Variants in PLOD2 observed in about 807,000 individuals in gnomAD.
PLOD2 encodes lysine hydroxylase 2.
A neutral mutation model predicts 101.0 loss-of-function variants in PLOD2; 65 were observed. The ratio of observed to expected loss-of-function variants is 0.64; its 90% CI spans 0.53 to 0.79. The LOEUF (loss-of-function observed/expected upper bound fraction) is 0.79, where lower values mean the gene tolerates loss of function less well. Ranked by LOEUF, PLOD2 falls within the 30% of genes least tolerant of loss-of-function variation. The pLI is 0.00. For synonymous variants in PLOD2, 314 were observed against 302.9 expected, an observed-to-expected ratio of 1.04 and a Z score of -0.38; for missense variants, 909 against 914.6, an observed-to-expected ratio of 0.99 and a Z score of 0.08.
At chr3:146,121,435 C>A (rs2108091998) in intron 2 of PLOD2, among the ~76,000 whole-genome samples, 187 bp from the exon 3 acceptor site, 1 of 152,198 alleles carries the variant, frequency 6.6e-6, no homozygotes, top group South Asian at 2.1e-4. Flanking sequence ...TCAATGTTAT[C>A]CATCCCCAAA....
rs578052771 is a variant in PLOD2 at position 146,086,026 on chromosome 3, T to G, written c.1128-753A>C. 4 of 152,374 alleles carry G rather than the reference T, an allele frequency of 2.6e-5. No individual in the cohort carries two copies. In the East Asian group the frequency reaches 7.7e-4, roughly 29 times the overall value. The allele number at this position is 152,374 out of a possible 1,614,324, so 9.4% of individuals were successfully genotyped here. On this transcript the variant is annotated intron_variant, in intron 10 of 19. Coordinates refer to ENST00000282903, the MANE Select transcript of PLOD2 (RefSeq NM_182943.3). ...TTCTGAATGTGGACCCAGAGGATTC[T>G]CCAATGAATAAATTATGGAATCATT...
At chr3:146,147,664 C>T (rs2031848629) in intron 1 of PLOD2, among the ~76,000 whole-genome samples, 1 of 152,168 alleles carries the variant, frequency 6.6e-6, no homozygotes, top group Admixed American at 6.5e-5. Flanking sequence ...CCAAATATTC[C>T]AGGGGGGACA....
At chr3:146,083,006 T>C (rs1490104864) in intron 11 of PLOD2, among the ~76,000 whole-genome samples, 1 of 152,228 alleles carries the variant, frequency 6.6e-6, no homozygotes, top group Admixed American at 6.5e-5. Context: ...TTGTTTTGTT[T>C]TGAATACCTA....
chr3:146,136,208 TTA>T (rs1431875865), intron 1 of PLOD2, among the ~76,000 whole-genome samples: 4 of 152,304 alleles, frequency 2.6e-5, no homozygotes, highest in South Asian at 2.1e-4. Flanking sequence ...TCCAGTACTT[TTA>T]TAGTTTCATT....
At chr3:146,134,161 A>G (rs1163810524) in intron 1 of PLOD2, among the ~76,000 whole-genome samples, 3 of 152,190 alleles carry the variant, frequency 2.0e-5, no homozygotes, top group Non-Finnish European at 4.4e-5. Context: ...AGTGGAAAGA[A>G]CTGGCTGGGG....
At chr3:146,139,893 T>C (rs1251365513) in intron 1 of PLOD2, among the ~76,000 whole-genome samples, 1 of 152,106 alleles carries the variant, frequency 6.6e-6, no homozygotes, top group African/African-American at 2.4e-5. Context: ...CCTTCCTCCC[T>C]TTCTCTTTCC....
chr3:146,080,819 C>G (rs190018312), intron 12 of PLOD2, among the ~76,000 whole-genome samples: 1 of 152,310 alleles, frequency 6.6e-6, no homozygotes, highest in Admixed American at 6.5e-5. Flanking sequence ...TTCTCCTCCA[C>G]TGTGCATTTT....
At chr3:146,113,679 T>C (rs1405755134) in intron 3 of PLOD2, among the ~76,000 whole-genome samples, 3 of 152,200 alleles carry the variant, frequency 2.0e-5, no homozygotes, top group African/African-American at 7.2e-5. Context: ...GTCATCTTCG[T>C]AAGCTGAGGA....
chr3:146,091,274 C>T (rs979797247), intron 8 of PLOD2, among the ~76,000 whole-genome samples: 4 of 151,804 alleles, frequency 2.6e-5, no homozygotes, highest in African/African-American at 4.8e-5. Flanking sequence ...CCCTTAAACA[C>T]GTTACTTACA....
chr3:146,127,068 A>C (rs2030610787), intron 1 of PLOD2, among the ~76,000 whole-genome samples: 1 of 152,176 alleles, frequency 6.6e-6, no homozygotes, highest in African/African-American at 2.4e-5. Flanking sequence ...TCGTTCAGTT[A>C]CTCATTGTTG....
At chr3:146,108,618 T>C (rs1937576335) in intron 4 of PLOD2, among the ~76,000 whole-genome samples, 1 of 152,242 alleles carries the variant, frequency 6.6e-6, no homozygotes, top group African/African-American at 2.4e-5. Flanking sequence ...TCTAATTATT[T>C]TGACTACAGA....
chr3:146,153,353 A>C (rs1159718641), intron 1 of PLOD2, among the ~76,000 whole-genome samples: 1 of 152,200 alleles, frequency 6.6e-6, no homozygotes, highest in African/African-American at 2.4e-5. Context: ...AGAAACAGGA[A>C]GGAAAGATTT....
At chr3:146,139,139 G>A (rs1559868691) in intron 1 of PLOD2, among the ~76,000 whole-genome samples, 1 of 152,130 alleles carries the variant, frequency 6.6e-6, no homozygotes, top group Non-Finnish European at 1.5e-5. Context: ...GGTAGTAAAG[G>A]AGGTAAAAAG....
At chr3:146,117,621 G>A (rs1937971846) in intron 3 of PLOD2, among the ~76,000 whole-genome samples, 1 of 152,064 alleles carries the variant, frequency 6.6e-6, no homozygotes, top group African/African-American at 2.4e-5. Flanking sequence ...AAATGTTAAT[G>A]ACTCTTCTTA....
chr3:146,088,745 T>C (rs1306948841), intron 8 of PLOD2, 34 bp from the exon 9 acceptor site: 3 of 1,526,748 alleles, frequency 2.0e-6, no homozygotes, highest in Non-Finnish European at 2.7e-6. Context: ...AATAAAATTA[T>C]CATTAGTATG....
intron 1 of PLOD2, among the ~76,000 whole-genome samples, chr3:146,135,999 G>A (rs2031208654): frequency 6.6e-6 from 1 of 151,932 alleles, no homozygotes. Flanking sequence ...AAACCTTGTG[G>A]GTTGAACATT....
intron 1 of PLOD2, among the ~76,000 whole-genome samples, chr3:146,130,021 G>A (rs2030815930): frequency 2.0e-5 from 3 of 152,000 alleles, no homozygotes; most frequent in South Asian, 4.2e-4. Flanking sequence ...TACCCTCTTA[G>A]GATAGTAGAG....
At position 146,137,499 on chromosome 3, in the gene PLOD2, T is replaced by C. The variant is rs115338781; in HGVS notation, c.110-13270A>G. On this transcript the variant is annotated intron_variant, in intron 1 of 19. Transcript: ENST00000282903. Reference sequence around the variant, plus strand: ...CCTGGTCTCAAGTGATCTGCCTGCCTTGGGCTCCCCAAGTGCTGGGATTAC... The same window carrying C: ...CCTGGTCTCAAGTGATCTGCCTGCCCTGGGCTCCCCAAGTGCTGGGATTAC... Among the ~76,000 whole-genome samples the C allele has an allele frequency of 3.1e-3, 479 of 152,316 alleles. 3 individuals carry two copies. The highest frequency in any genetic ancestry group is 0.01 in the African/African-American group (427 of 41,568).
intron 1 of PLOD2, among the ~76,000 whole-genome samples, chr3:146,155,364 A>G (rs779277096): frequency 1.3e-5 from 2 of 151,960 alleles, no homozygotes; most frequent in South Asian, 2.1e-4. Context: ...AACAGTCTCT[A>G]TAATTCTACT....
Sources: gnomAD v4.1 joint callset for allele counts (sites outside exome capture counted in the v4.1 genomes callset) on GRCh38, gnomAD v4.1.1 for gene constraint, MANE v1.5 for transcripts, NCBI Gene and HGNC (gene_info 2026-07-23, HGNC 2026-07-21) for gene names.